SPNS3: variants seen among roughly 807,000 people sequenced by gnomAD.
The protein encoded by SPNS3 is SPNS lysolipid transporter 3, sphingosine-1-phosphate (putative).
A neutral mutation model predicts 54.4 loss-of-function variants in SPNS3; 51 were observed. The observed-to-expected ratio is 0.94, with a 90% CI of 0.75 to 1.18. SPNS3 has a LOEUF of 1.18. SPNS3 is among the 50% of genes most tolerant of loss of function. SPNS3 has a pLI of 0.00. For synonymous variants in SPNS3, 309 were observed against 294.7 expected (o/e 1.05, Z -0.50); for missense variants, 669 against 677.4 (o/e 0.99, Z 0.14).
intron 8 of SPNS3, among the ~76,000 whole-genome samples, chr17:4,461,361 C>CTTTATTTTTTTTTTTTTT (rs1971498421): frequency 3.0e-5 from 1 of 33,396 alleles, no homozygotes. Context: ...CTTTTCTTTT[C>CTTTATTTTTTTTTTTTTT]TTTTTTTTTT....
chr17:4,453,798 A>G (rs1434929055), intron 8 of SPNS3, among the ~76,000 whole-genome samples: 1 of 152,194 alleles, frequency 6.6e-6, no homozygotes, highest in Non-Finnish European at 1.5e-5. Flanking sequence ...CCAAGAAGAA[A>G]TAGAGCAATT....
At chr17:4,478,841 TGGA>T (rs748782756) in intron 9 of SPNS3, among the ~76,000 whole-genome samples, 3 of 152,156 alleles carry the variant, frequency 2.0e-5, no homozygotes, top group Non-Finnish European at 4.4e-5. Flanking sequence ...GATGAACAAA[TGGA>T]GGTTCAGAGA....
rs11415055 is a variant in SPNS3 at position 4,450,604 on chromosome 17, A to AT, written c.923+1226dup. On this transcript the variant is annotated intron_variant, in intron 7 of 11. Transcript: ENST00000355530. ...ATTTTTATTTTATTTTATTTTATTT[A>AT]TTTTTTTTTGAGACAGAGTTTCACT... Among the ~76,000 whole-genome samples the AT allele has an allele frequency of 2.0e-3, 287 of 147,012 alleles. 2 individuals are homozygous for AT. The highest frequency in any genetic ancestry group is 9.5e-3 in the South Asian group (44 of 4,618).
chr17:4,440,789 G>A (rs1970829350), intron 2 of SPNS3, among the ~76,000 whole-genome samples: 1 of 152,202 alleles, frequency 6.6e-6, no homozygotes, highest in Non-Finnish European at 1.5e-5. Flanking sequence ...AGCATCAAGA[G>A]AAACGTGCTG....
intron 8 of SPNS3, among the ~76,000 whole-genome samples, chr17:4,468,720 C>CT (rs1168664177): frequency 9.3e-5 from 5 of 53,852 alleles, no homozygotes; most frequent in African/African-American, 2.4e-4. Context: ...CTCTCTCTTT[C>CT]TTTTCTTTCT....
chr17:4,447,070 GGAC>G (rs1260600260), intron 5 of SPNS3, 108 bp downstream of exon 5: 46 of 1,092,738 alleles, frequency 4.2e-5, no homozygotes, highest in East Asian at 3.5e-4. Flanking sequence ...GCCATTAGGG[GGAC>G]GGGGGGTGGT....
At chr17:4,437,602 G>A (rs933764253) in intron 1 of SPNS3, among the ~76,000 whole-genome samples, 1 of 151,884 alleles carries the variant, frequency 6.6e-6, no homozygotes, top group African/African-American at 2.4e-5. Flanking sequence ...AGGAGGCAGA[G>A]GTTGCAGTGA....
intron 8 of SPNS3, among the ~76,000 whole-genome samples, chr17:4,458,646 T>TTTATTTCC (rs1555530864): frequency 7.8e-6 from 1 of 128,086 alleles, no homozygotes; most frequent in African/African-American, 3.0e-5. Flanking sequence ...TCTTTCTTTC[T>TTTATTTCC]TTCCTTCCTT....
chr17:4,458,610 T>TTTC, intron 8 of SPNS3, among the ~76,000 whole-genome samples: 3 of 110,994 alleles, frequency 2.7e-5, no homozygotes, highest in Admixed American at 9.4e-5. Flanking sequence ...TCTTTCTTTC[T>TTTC]TTCTTTCTTT....
At chr17:4,457,013 C>G (rs12948989) in intron 8 of SPNS3, among the ~76,000 whole-genome samples, 1 of 152,186 alleles carries the variant, frequency 6.6e-6, no homozygotes, top group Non-Finnish European at 1.5e-5. Flanking sequence ...CCACGCCCAG[C>G]CTGGAAGGTT....
chr17:4,446,829 C>A, intron 4 of SPNS3, 67 bp from the exon 5 acceptor site: 1 of 1,477,954 alleles, frequency 6.8e-7, no homozygotes, highest in East Asian at 2.3e-5. Context: ...CTGGGTCAGG[C>A]TGGTGGTGGG....
At chr17:4,441,799 TG>T (rs138017223) in intron 2 of SPNS3, among the ~76,000 whole-genome samples, 8 of 128,014 alleles carry the variant, frequency 6.2e-5, no homozygotes, top group African/African-American at 1.5e-4. Flanking sequence ...GGGGGTGTGT[TG>T]GGGGGGGTCT....
At chr17:4,476,441 C>T (rs373632466) in intron 8 of SPNS3, among the ~76,000 whole-genome samples, 3 of 151,968 alleles carry the variant, frequency 2.0e-5, no homozygotes, top group Non-Finnish European at 2.9e-5. Context: ...GAGAGCAAAA[C>T]GGGGAGCTGG....
intron 8 of SPNS3, among the ~76,000 whole-genome samples, chr17:4,458,146 C>T (rs1971364623): frequency 6.6e-6 from 1 of 152,154 alleles, no homozygotes; most frequent in Non-Finnish European, 1.5e-5. Flanking sequence ...ACCCTCCTCT[C>T]CGTCCTCTCT....
chr17:4,434,216 G>A, intron 1 of SPNS3, 50 bp downstream of exon 1: 1 of 1,517,242 alleles, frequency 6.6e-7, no homozygotes, highest in Non-Finnish European at 9.0e-7. Context: ...GTGCCCACCA[G>A]CCAGGGGCTG....
In SPNS3 at chr17:4,478,656, G is replaced by T. The variant is rs1297568323; in HGVS notation, c.1179+19G>T. ...CCTGCTGGTAGGTGTGGGAGTCGGG[G>T]TGGTGGGCTGAGCAGGGGGAGCTGG... On this transcript the variant is annotated intron_variant, in intron 9 of 11. Coordinates refer to ENST00000355530, the MANE Select transcript of SPNS3 (RefSeq NM_182538.5). 1 of 1,577,516 alleles carries T rather than the reference G, an allele frequency of 6.3e-7. No homozygotes were observed. The highest frequency in any genetic ancestry group is 8.6e-7 in the Non-Finnish European group (1 of 1,161,086).
Position 4,453,100 on chromosome 17 carries a change from C to T in SPNS3, c.1008C>T (p.Val336=), listed in dbSNP as rs1206601932. The change falls in exon 8 of 12, where the codon GTC becomes GTT. Residue 336 remains valine (V), a synonymous_variant. Coordinates refer to ENST00000355530, the MANE Select transcript of SPNS3 (RefSeq NM_182538.5). ...GAEAARRYKK[V]IPGAEPLICA... ...AAGCTGCGAGGAGGTACAAGAAAGT[C>T]ATTCCAGGAGCTGAGCCCCTCATCT... The T allele has an allele frequency of 4.3e-6, 7 of 1,613,998 alleles. No homozygotes were observed. The highest frequency in any genetic ancestry group is 5.9e-6 in the Non-Finnish European group (7 of 1,180,020).
intron 8 of SPNS3, among the ~76,000 whole-genome samples, chr17:4,470,025 G>A (rs1486959160): frequency 3.3e-5 from 5 of 152,048 alleles, no homozygotes; most frequent in African/African-American, 4.8e-5. Context: ...CCGTCATTCC[G>A]TACACGTGTC....
Position 4,446,072 on chromosome 17 carries a change from C to T in SPNS3, c.427C>T (p.Arg143Trp), listed in dbSNP as rs1355273595. ...PRYSWLFFLS[R>W]GIVGTGSASY... The stretch of plus-strand genomic sequence containing the variant: ...GTATTCTTGGCTCTTCTTCCTGTCC[C>T]GGGGCATCGTGGGCACTGGCTCGGC... The change falls in exon 4 of 12, where the codon CGG (arginine) becomes TGG (tryptophan). Residue 143 changes from arginine (R) to tryptophan (W), a missense_variant. Coordinates refer to ENST00000355530, the MANE Select transcript of SPNS3 (RefSeq NM_182538.5). 1.1e-5 allele frequency: 17 copies of T among 1,611,252 alleles called. No homozygotes were observed. The highest frequency in any genetic ancestry group is 4.0e-5 in the African/African-American group (3 of 74,872).
Sources: gnomAD v4.1 joint callset for allele counts (sites outside exome capture counted in the v4.1 genomes callset) on GRCh38, gnomAD v4.1.1 for gene constraint, MANE v1.5 for transcripts, NCBI Gene and HGNC (gene_info 2026-07-23, HGNC 2026-07-21) for gene names.